PRKCE: variants seen among roughly 807,000 people sequenced by gnomAD.
PRKCE encodes the protein protein kinase C epsilon type.
Under a neutral mutation model 85.4 loss-of-function variants are expected in PRKCE, and 16 were observed. The ratio of observed to expected loss-of-function variants is 0.19; its 90% CI spans 0.13 to 0.28. PRKCE has a LOEUF of 0.28. Ranked by LOEUF, PRKCE falls within the 10% of genes least tolerant of loss-of-function variation. The pLI is 1.00. For missense variants in PRKCE, 573 were observed against 975.2 expected (o/e 0.59, Z 5.49); for synonymous variants, 388 against 371.5 (o/e 1.04, Z -0.51).
chr2:45,702,978 A>G (rs1281328539), intron 1 of PRKCE, among the ~76,000 whole-genome samples: 1 of 152,002 alleles, frequency 6.6e-6, no homozygotes, highest in Non-Finnish European at 1.5e-5. Context: ...CTCGGCAGAT[A>G]ACAGCCTTTC....
At chr2:45,956,210 TC>T (rs1700966246) in intron 2 of PRKCE, among the ~76,000 whole-genome samples, 1 of 152,362 alleles carries the variant, frequency 6.6e-6, no homozygotes, top group East Asian at 1.9e-4. Context: ...TGTTTGGTTG[TC>T]CTTTTCTCAA....
chr2:46,180,435 C>T (rs1459677393), intron 14 of PRKCE, among the ~76,000 whole-genome samples: 3 of 152,136 alleles, frequency 2.0e-5, no homozygotes, highest in East Asian at 1.9e-4. Flanking sequence ...CCCCAAAAGC[C>T]GTGATGTGCA....
At chr2:45,950,069 A>C (rs970540460) in intron 2 of PRKCE, among the ~76,000 whole-genome samples, 1 of 152,192 alleles carries the variant, frequency 6.6e-6, no homozygotes. Flanking sequence ...TGGTTATTAC[A>C]TCTATTCAAG....
At chr2:46,152,915 G>A (rs549209068) in intron 13 of PRKCE, among the ~76,000 whole-genome samples, 5 of 152,266 alleles carry the variant, frequency 3.3e-5, no homozygotes, top group Admixed American at 2.0e-4. Flanking sequence ...GAGGGTGCAT[G>A]TACCATGTTT....
At chr2:45,934,856 C>T (rs1209233031) in intron 2 of PRKCE, among the ~76,000 whole-genome samples, 2 of 144,108 alleles carry the variant, frequency 1.4e-5, no homozygotes, top group African/African-American at 5.2e-5. Flanking sequence ...GAGTCAAGAC[C>T]AGCGTGGGCA....
intron 1 of PRKCE, among the ~76,000 whole-genome samples, chr2:45,716,618 A>AAGAAGG (rs201109416): frequency 0.012 from 1,707 of 147,408 alleles, 32 homozygotes; most frequent in African/African-American, 0.04. Context: ...GAAGAAGAAG[A>AAGAAGG]AGAAGGAGAA....
chr2:46,115,213 T>A (rs1199929592), intron 11 of PRKCE, among the ~76,000 whole-genome samples: 1 of 152,232 alleles, frequency 6.6e-6, no homozygotes, highest in Non-Finnish European at 1.5e-5. Context: ...ACAGAGGTGC[T>A]AAGCTCAGCC....
chr2:45,904,282 G>A lies in PRKCE; in HGVS notation c.412+61219G>A, dbSNP rs114933834. Among the ~76,000 whole-genome samples, 495 of 152,160 alleles carry A rather than the reference G, an allele frequency of 3.3e-3. 6 individuals carry two copies. The highest frequency in any genetic ancestry group is 0.012 in the African/African-American group (483 of 41,490). On this transcript the variant is annotated intron_variant, in intron 2 of 14. Coordinates refer to ENST00000306156, the MANE Select transcript of PRKCE (RefSeq NM_005400.3). The stretch of plus-strand genomic sequence containing the variant: ...CAAAACAGTTTCTTAGAAAGAAGCC[G>A]GTTGCGTGCGAACCGAGAAGTCTTG...
intron 1 of PRKCE, among the ~76,000 whole-genome samples, chr2:45,679,155 T>C (rs1001881368): frequency 6.6e-6 from 1 of 152,192 alleles, no homozygotes; most frequent in African/African-American, 2.4e-5. Context: ...AAGGATAATT[T>C]TTCATAAATA....
At chr2:45,684,857 A>G (rs1677177794) in intron 1 of PRKCE, among the ~76,000 whole-genome samples, 1 of 152,166 alleles carries the variant, frequency 6.6e-6, no homozygotes, top group African/African-American at 2.4e-5. Context: ...GTAATTTGCA[A>G]ATAGGATCTG....
intron 1 of PRKCE, among the ~76,000 whole-genome samples, chr2:45,737,031 C>T (rs1375275588): frequency 6.6e-6 from 1 of 152,166 alleles, no homozygotes; most frequent in East Asian, 1.9e-4. Flanking sequence ...GGACGGTCGT[C>T]GGTCATCGTG....
Position 46,038,136 on chromosome 2 carries a change from A to G in PRKCE, c.1437+27619A>G, listed in dbSNP as rs555051213. On this transcript the variant is annotated intron_variant, in intron 10 of 14. Transcript: ENST00000306156. Reference sequence around the variant, plus strand: ...CTGCCTGGCTGGGGGCCCTTCCTCTATAGTTATCTTCTTTATAAGCCATTT... The same window carrying G: ...CTGCCTGGCTGGGGGCCCTTCCTCTGTAGTTATCTTCTTTATAAGCCATTT... Among the ~76,000 whole-genome samples the G allele has an allele frequency of 2.0e-5, 3 of 152,262 alleles. No homozygotes were observed. The East Asian group carries it at 5.8e-4, about 29-fold the overall frequency.
chr2:46,151,340 T>C, intron 13 of PRKCE, 111 bp downstream of exon 13: 1 of 1,140,274 alleles, frequency 8.8e-7, no homozygotes, highest in Non-Finnish European at 1.2e-6. Flanking sequence ...TCTCCCTTTC[T>C]CTGTCCAGCT....
rs199611669 is a variant in PRKCE at position 45,935,248 on chromosome 2, T to TA, written c.413-41178dup. 2.4e-3 allele frequency among the ~76,000 whole-genome samples: 361 copies of TA among 152,318 alleles called. 2 individuals carry two copies. The highest frequency in any genetic ancestry group is 7.6e-3 in the African/African-American group (316 of 41,574). ...TTTGAATATTGTTAGTTAAAATACTTAAAGTACATACATCTTTTCTTTGCA... is the reference window on the plus strand; with the variant it reads ...TTTGAATATTGTTAGTTAAAATACTTAAAAGTACATACATCTTTTCTTTGCA... On this transcript the variant is annotated intron_variant, in intron 2 of 14. Coordinates refer to ENST00000306156, the MANE Select transcript of PRKCE (RefSeq NM_005400.3).
intron 2 of PRKCE, among the ~76,000 whole-genome samples, chr2:45,932,774 G>A (rs950691829): frequency 1.3e-5 from 2 of 152,004 alleles, no homozygotes; most frequent in Non-Finnish European, 2.9e-5. Context: ...CCGTACCCAC[G>A]AAACACTAAC....
Position 45,895,645 on chromosome 2 carries a change from A to G in PRKCE, c.412+52582A>G, listed in dbSNP as rs1206053835. On this transcript the variant is annotated intron_variant, in intron 2 of 14. Transcript: ENST00000306156. This position sits in a 1 kb window ranked among gnomAD's most constrained non-coding sequence, Gnocchi z 4.8. ...GGTAGAAGTCACTCTAATGGCATGCAGGGTAGATGATGTCAGCTTTTCCAT... is the reference window on the plus strand; with the variant it reads ...GGTAGAAGTCACTCTAATGGCATGCGGGGTAGATGATGTCAGCTTTTCCAT... Among the ~76,000 whole-genome samples, 1 of 152,224 alleles carries G rather than the reference A, an allele frequency of 6.6e-6. No homozygotes were observed. Among genetic ancestry groups the G allele is most frequent in the Non-Finnish European group, 1.5e-5 (1 of 68,028 alleles).
chr2:45,678,028 G>A, intron 1 of PRKCE: 4 of 422,002 alleles, frequency 9.5e-6, no homozygotes, highest in Non-Finnish European at 1.3e-5. Context: ...CGAAGAAGTT[G>A]GTGGTTCTAC....
At chr2:45,858,552 A>C (rs2105626152) in intron 2 of PRKCE, among the ~76,000 whole-genome samples, 1 of 152,280 alleles carries the variant, frequency 6.6e-6, no homozygotes, top group South Asian at 2.1e-4. Flanking sequence ...AAATAAGTGT[A>C]TGGCCAGTGC....
At chr2:46,078,885 A>T (rs1167643417) in intron 10 of PRKCE, 1 of 152,236 alleles carries the variant, frequency 6.6e-6, no homozygotes, top group East Asian at 1.9e-4. Context: ...TATAGAAAAT[A>T]TAGGAGTTTC....
Sources: allele counts gnomAD v4.1 joint callset (sites outside exome capture counted in the v4.1 genomes callset), GRCh38; gene constraint gnomAD v4.1.1; non-coding constraint Gnocchi (gnomAD v3.1); transcripts MANE v1.5; gene names NCBI Gene and HGNC (gene_info 2026-07-23, HGNC 2026-07-21).